The following ABTB2 variants were observed in gnomAD, a reference collection of about 807,000 sequenced individuals.
The protein encoded by ABTB2 is ankyrin repeat and BTB domain containing 2.
In ABTB2, 56 loss-of-function variants were observed where a neutral mutation model predicts 104.1. The observed-to-expected ratio is 0.54, with a 90% CI of 0.43 to 0.67. ABTB2 has a LOEUF of 0.67. ABTB2 is among the 30% of genes least tolerant of loss of function. The pLI is 0.00. For missense variants in ABTB2, 1,279 were observed against 1,407.7 expected, an observed-to-expected ratio of 0.91 and a Z score of 1.46; for synonymous variants, 606 against 608.2, an observed-to-expected ratio of 1.00 and a Z score of 0.05.
chr11:34,204,794 C>CAG, intron 1 of ABTB2, 104 bp from the exon 2 acceptor site: 5 of 1,317,142 alleles, frequency 3.8e-6, no homozygotes, highest in Non-Finnish European at 5.2e-6. Flanking sequence ...CTGCTCTTGA[C>CAG]AGAGAGAGGT....
chr11:34,200,033 G>T (rs2133038094), intron 2 of ABTB2, among the ~76,000 whole-genome samples: 1 of 152,238 alleles, frequency 6.6e-6, no homozygotes, highest in South Asian at 2.1e-4. Flanking sequence ...TGGGCTCCAT[G>T]GGTGGTAGAA....
chr11:34,189,636 TA>T (rs1853147368), intron 3 of ABTB2, among the ~76,000 whole-genome samples: 1 of 152,168 alleles, frequency 6.6e-6, no homozygotes, highest in South Asian at 2.1e-4. Flanking sequence ...TTTATGTTTT[TA>T]AAGTGTAGGT....
At chr11:34,228,600 G>A (rs891279211) in intron 1 of ABTB2, among the ~76,000 whole-genome samples, 12 of 151,526 alleles carry the variant, frequency 7.9e-5, no homozygotes, top group African/African-American at 2.7e-4. Flanking sequence ...GGCTAGTCTC[G>A]ACATCCGACC....
chr11:34,263,130 T>C (rs892356303), intron 1 of ABTB2, among the ~76,000 whole-genome samples: 4 of 152,080 alleles, frequency 2.6e-5, no homozygotes, highest in African/African-American at 4.8e-5. Flanking sequence ...CTTTGGGCCT[T>C]GGATACACTG....
At chr11:34,180,470 C>G (rs1345500928) in intron 3 of ABTB2, among the ~76,000 whole-genome samples, 1 of 152,210 alleles carries the variant, frequency 6.6e-6, no homozygotes, top group Admixed American at 6.5e-5. Flanking sequence ...AAGGCCTAAC[C>G]TAAATACCGT....
intron 6 of ABTB2, 135 bp downstream of exon 6, chr11:34,167,768 G>T: frequency 1.1e-6 from 1 of 930,698 alleles, no homozygotes; most frequent in Non-Finnish European, 1.7e-6. Flanking sequence ...TGGCCTCTGT[G>T]CATCTTGTCT....
At chr11:34,306,397 C>T (rs1290001933) in intron 1 of ABTB2, among the ~76,000 whole-genome samples, 2 of 151,830 alleles carry the variant, frequency 1.3e-5, no homozygotes, top group African/African-American at 4.8e-5. Context: ...CAGGCGTGCA[C>T]CACCACACCT....
chr11:34,271,339 T>C (rs4756122), intron 1 of ABTB2, among the ~76,000 whole-genome samples: 17,472 of 152,268 alleles, frequency 0.11, 1,180 homozygotes, highest in Admixed American at 0.21. Flanking sequence ...CACTGTGTCC[T>C]TGAGTCCCAG....
chr11:34,192,003 T>C (rs564347467), intron 3 of ABTB2, among the ~76,000 whole-genome samples: 18 of 152,172 alleles, frequency 1.2e-4, no homozygotes, highest in Non-Finnish European at 1.8e-4. Flanking sequence ...TCTAAAAGTA[T>C]GTAGTGAGCA....
intron 1 of ABTB2, among the ~76,000 whole-genome samples, chr11:34,265,851 C>T (rs1434511675): frequency 6.6e-6 from 1 of 151,350 alleles, no homozygotes; most frequent in Non-Finnish European, 1.5e-5. Context: ...TGCCTGTAAC[C>T]CCAGCTACTC....
intron 3 of ABTB2, among the ~76,000 whole-genome samples, chr11:34,173,573 C>CAGGT (rs1852917147): frequency 6.6e-6 from 1 of 152,158 alleles, no homozygotes; most frequent in African/African-American, 2.4e-5. Flanking sequence ...TTTCTGCTCA[C>CAGGT]AGAGACCCCG....
intron 1 of ABTB2, among the ~76,000 whole-genome samples, chr11:34,223,068 C>T (rs1286486734): frequency 6.6e-6 from 1 of 152,152 alleles, no homozygotes. Context: ...TTACAAACTC[C>T]TACTTACAGT....
At chr11:34,341,666 G>A (rs543526481) in intron 1 of ABTB2, among the ~76,000 whole-genome samples, 1 of 152,266 alleles carries the variant, frequency 6.6e-6, no homozygotes, top group South Asian at 2.1e-4. Context: ...AGTGGCTGCC[G>A]TATTGAACAG....
chr11:34,196,599 C>T (rs556713482), intron 3 of ABTB2, among the ~76,000 whole-genome samples: 12 of 152,286 alleles, frequency 7.9e-5, no homozygotes, highest in South Asian at 2.1e-4. Flanking sequence ...CATGGCCCCA[C>T]GTGCATCCCC....
At chr11:34,156,562 C>T (rs1002588444) in intron 14 of ABTB2, among the ~76,000 whole-genome samples, 6 of 148,860 alleles carry the variant, frequency 4.0e-5, no homozygotes, top group Non-Finnish European at 7.4e-5. Context: ...TCGCTCTTGT[C>T]GCCCAGGCTG....
chr11:34,298,554 T>G (rs1331998734), intron 1 of ABTB2, among the ~76,000 whole-genome samples: 1 of 151,996 alleles, frequency 6.6e-6, no homozygotes, highest in Admixed American at 6.6e-5. Flanking sequence ...GCTCCACCTC[T>G]TGGGTTCAAA....
Position 34,357,416 on chromosome 11 carries a change from G to C in ABTB2, c.168C>G (p.Cys56Trp). The C allele has an allele frequency of 2.6e-6, 4 of 1,548,820 alleles. No homozygotes were observed. The highest frequency in any genetic ancestry group is 3.5e-6 in the Non-Finnish European group (4 of 1,146,382). ...GGCGGCTGTTCATGGAGCCGGAGTA[G>C]CACCACCAGGCCGCCCCGCGGTGCT... Reference protein sequence around the residue: ...AQQHRGAAWWCYSGSMNSRHN... With the variant: ...AQQHRGAAWWWYSGSMNSRHN... The change falls in exon 1 of 17, where the codon TGC becomes TGG. Residue 56 changes from cysteine to tryptophan, a missense_variant. Physicochemically the swap from Cys to Trp is radical, Grantham distance 215 (BLOSUM62 -2). Transcript: ENST00000435224.
intron 1 of ABTB2, among the ~76,000 whole-genome samples, chr11:34,317,216 G>A (rs766022970): frequency 2.0e-5 from 3 of 152,178 alleles, no homozygotes; most frequent in Non-Finnish European, 4.4e-5. Context: ...TTATATTCTA[G>A]ATATGCCTGA....
intron 1 of ABTB2, among the ~76,000 whole-genome samples, chr11:34,217,302 T>C (rs1420364173): frequency 6.6e-6 from 1 of 152,248 alleles, no homozygotes; most frequent in Non-Finnish European, 1.5e-5. Context: ...CATCAGCTTA[T>C]TTCTTTTTAG....
Sources: gnomAD v4.1 joint callset for allele counts (sites outside exome capture counted in the v4.1 genomes callset) on GRCh38, gnomAD v4.1.1 for gene constraint, MANE v1.5 for transcripts, NCBI Gene and HGNC (gene_info 2026-07-23, HGNC 2026-07-21) for gene names.